Variants in SEPTIN9 observed in about 807,000 individuals in gnomAD.
The protein encoded by SEPTIN9 is septin 9.
A neutral mutation model predicts 56.6 loss-of-function variants in SEPTIN9; 13 were observed. The observed-to-expected ratio is 0.23, with a 90% CI of 0.15 to 0.37. SEPTIN9 has a LOEUF of 0.37. SEPTIN9 is among the 10% of genes least tolerant of loss of function. The probability of loss-of-function intolerance (pLI) is 1.00; values close to 1 mark genes in which losing one functional copy is unlikely to be tolerated. For synonymous variants in SEPTIN9, 332 were observed against 334.1 expected (o/e 0.99, Z 0.07); for missense variants, 650 against 823.1 (o/e 0.79, Z 2.57).
intron 2 of SEPTIN9, among the ~76,000 whole-genome samples, chr17:77,325,201 C>A (rs1162840076): frequency 2.6e-5 from 4 of 152,168 alleles, no homozygotes; most frequent in African/African-American, 9.7e-5. Flanking sequence ...GCGCCATATC[C>A]AAGAAATCAT....
At chr17:77,498,486 C>T in intron 11 of SEPTIN9, 37 bp from the exon 12 acceptor site, 1 of 661,216 alleles carries the variant, frequency 1.5e-6, no homozygotes, top group Non-Finnish European at 2.7e-6. Context: ...CCCCGCTGCG[C>T]CCACCTCACT....
In SEPTIN9 at chr17:77,281,531, G is replaced by A; in HGVS notation, c.-5G>A. The A allele has an allele frequency of 6.5e-7, 1 of 1,549,468 alleles. No individual in the cohort carries two copies. Among genetic ancestry groups the A allele is most frequent in the Non-Finnish European group, 8.7e-7 (1 of 1,147,330 alleles). On this transcript the variant is annotated 5_prime_UTR_variant, in exon 1 of 12. Transcript: ENST00000427177. ...TTTCCTGGGAGCGGCGGCCACGGAG[G>A]CACCATGAAGAAGTCTTACTCAGGT...
At chr17:77,340,922 C>T (rs1598217488) in intron 2 of SEPTIN9, among the ~76,000 whole-genome samples, 1 of 152,376 alleles carries the variant, frequency 6.6e-6, no homozygotes, top group African/African-American at 2.4e-5. Context: ...TCTCCAGCTT[C>T]CTCACTTCTC....
rs771620779 is a variant in SEPTIN9, at chr17:77,482,290, C to T, written c.868C>T (p.Arg290Trp). Reference sequence around the variant, plus strand: ...TGACTCCATCCTGGAGCAGATGCGCCGGAAGGCCATGAAGCAGGGCTTCGA... The same window carrying T: ...TGACTCCATCCTGGAGCAGATGCGCTGGAAGGCCATGAAGCAGGGCTTCGA... ...GIDSILEQMR[R>W]KAMKQGFEFN... The change falls in exon 4 of 12, where the codon CGG (arginine) becomes TGG (tryptophan). Residue 290 changes from arginine to tryptophan, a missense_variant. Physicochemically the swap from Arg to Trp is moderately radical, Grantham distance 101 (BLOSUM62 -3). This residue lies in a region of SEPTIN9 where 333 missense variants were observed against 494.0 expected (regional missense o/e 0.67). Coordinates refer to ENST00000427177, the MANE Select transcript of SEPTIN9 (RefSeq NM_001113491.2). 18 of 1,613,098 alleles carry T rather than the reference C, an allele frequency of 1.1e-5. No individual in the cohort carries two copies. Among genetic ancestry groups the T allele is most frequent in the African/African-American group, 5.3e-5 (4 of 74,916 alleles).
At chr17:77,424,469 T>G (rs2144238124) in intron 3 of SEPTIN9, among the ~76,000 whole-genome samples, 1 of 152,250 alleles carries the variant, frequency 6.6e-6, no homozygotes, top group Non-Finnish European at 1.5e-5. Context: ...GGGAAGGGGC[T>G]TCAGGAGGTG....
intron 3 of SEPTIN9, among the ~76,000 whole-genome samples, chr17:77,406,006 C>A (rs1022074128): frequency 6.6e-6 from 1 of 152,264 alleles, no homozygotes; most frequent in Non-Finnish European, 1.5e-5. Context: ...AGCAGACGCC[C>A]AGCCCCTTGG....
chr17:77,481,681 G>A (rs1202333788), intron 3 of SEPTIN9, among the ~76,000 whole-genome samples: 5 of 151,636 alleles, frequency 3.3e-5, no homozygotes, highest in African/African-American at 9.7e-5. Context: ...GGCAGCAGGC[G>A]GTACAGCTTA....
chr17:77,414,008 CT>C (rs539569960), intron 3 of SEPTIN9, among the ~76,000 whole-genome samples: 1 of 144,680 alleles, frequency 6.9e-6, no homozygotes, highest in Admixed American at 6.9e-5. Flanking sequence ...AGAGGGAAGG[CT>C]TTTTTTCATT....
At position 77,475,002 on chromosome 17, in the gene SEPTIN9, T is replaced by TA. The variant is rs1011731529; in HGVS notation, c.722-7131dup. ...ACCAACATTAGTGAGACCCACTCTC[T>TA]AAAAAAAAAAATTAGAGTAACGCCT... On this transcript the variant is annotated intron_variant, in intron 3 of 11. Transcript: ENST00000427177. This position sits in a 1 kb window ranked among gnomAD's most constrained non-coding sequence, Gnocchi z 4.6. 3.5e-4 allele frequency among the ~76,000 whole-genome samples: 52 copies of TA among 147,148 alleles called. No homozygotes were observed. Among genetic ancestry groups the TA allele is most frequent in the Middle Eastern group, 7.1e-3 (2 of 282 alleles).
Position 77,325,330 on chromosome 17 carries a change from G to A in SEPTIN9, c.76+18133G>A, listed in dbSNP as rs78334198. Among the ~76,000 whole-genome samples, 1,067 of 152,276 alleles carry A rather than the reference G, an allele frequency of 7.0e-3. 11 individuals carry two copies. Among genetic ancestry groups the A allele is most frequent in the African/African-American group, 0.024 (1,009 of 41,556 alleles). ...AGTTGATTTTTGCATGTGGTGTAAG[G>A]GCTGGTCCAGCCTCATGCTCTGGGC... On this transcript the variant is annotated intron_variant, in intron 2 of 11. Coordinates refer to ENST00000427177, the MANE Select transcript of SEPTIN9 (RefSeq NM_001113491.2).
chr17:77,287,968 T>G, intron 1 of SEPTIN9: 2 of 1,054,430 alleles, frequency 1.9e-6, no homozygotes, highest in Non-Finnish European at 2.3e-6. Context: ...AGAGCGGTGT[T>G]GGCCCGGGGC....
intron 2 of SEPTIN9, among the ~76,000 whole-genome samples, chr17:77,314,956 C>T (rs7502119): frequency 0.4 from 61,377 of 151,910 alleles, 13,744 homozygotes; most frequent in East Asian, 0.53. Context: ...CTGAACTGGA[C>T]CTGGCTCCTA....
At chr17:77,406,771 A>T (rs1235631349) in intron 3 of SEPTIN9, among the ~76,000 whole-genome samples, 1 of 152,006 alleles carries the variant, frequency 6.6e-6, no homozygotes, top group Non-Finnish European at 1.5e-5. Flanking sequence ...CCCAGGTTCA[A>T]GCGATTCTTC....
At chr17:77,485,843 T>C (rs2039756287) in intron 4 of SEPTIN9, among the ~76,000 whole-genome samples, 1 of 152,020 alleles carries the variant, frequency 6.6e-6, no homozygotes, top group Admixed American at 6.5e-5. Context: ...GGGTGTTTTT[T>C]GTGTTGTGTT....
At chr17:77,315,845 G>A (rs548622743) in intron 2 of SEPTIN9, among the ~76,000 whole-genome samples, 1 of 152,218 alleles carries the variant, frequency 6.6e-6, no homozygotes, top group Non-Finnish European at 1.5e-5. Context: ...TATGGGGGGT[G>A]AAGGACAGGG....
In SEPTIN9 at chr17:77,281,544, G is replaced by A. The variant is rs1047140962; in HGVS notation, c.9G>A (p.Lys3=). Residue 3 remains lysine, a synonymous_variant, in exon 1 of 12, where the codon AAG becomes AAA. Transcript: ENST00000427177. Reference sequence around the variant, plus strand: ...GCGGCCACGGAGGCACCATGAAGAAGTCTTACTCAGGTGGGCTTCGCGCCC... The same window carrying A: ...GCGGCCACGGAGGCACCATGAAGAAATCTTACTCAGGTGGGCTTCGCGCCC... The part of the protein sequence containing the change: MK[K]SYSGGTRTSS... The A allele has an allele frequency of 5.8e-6, 9 of 1,550,054 alleles. No individual in the cohort carries two copies. The Admixed American group carries it at 1.4e-4, about 23-fold the overall frequency.
intron 3 of SEPTIN9, among the ~76,000 whole-genome samples, chr17:77,471,768 A>C (rs888470282): frequency 1.3e-5 from 2 of 152,248 alleles, no homozygotes; most frequent in African/African-American, 4.8e-5. Flanking sequence ...TCTGGTTGAC[A>C]GGCCACTGTG....
In SEPTIN9 at chr17:77,301,394, T is replaced by TTGTGTGTGTG. The variant is rs56947697; in HGVS notation, c.20-5711_20-5702dup. On this transcript the variant is annotated intron_variant, in intron 1 of 11. Coordinates refer to ENST00000427177, the MANE Select transcript of SEPTIN9 (RefSeq NM_001113491.2). Reference sequence around the variant, plus strand: ...TTCAAGAAAAAAAATGGGAATAGATTTGTGTGTGTGTGTGTGTGTGTGTGT... The same window carrying TTGTGTGTGTG: ...TTCAAGAAAAAAAATGGGAATAGATTTGTGTGTGTGTGTGTGTGTGTGTGTGTGTGTGTGT... 5.3e-3 allele frequency among the ~76,000 whole-genome samples: 751 copies of TTGTGTGTGTG among 142,502 alleles called. 7 individuals are homozygous for TTGTGTGTGTG. The highest frequency in any genetic ancestry group is 0.018 in the African/African-American group (689 of 37,540). The allele number at this position is 142,502 out of a possible 152,430, so 93.5% of individuals were successfully genotyped here.
intron 1 of SEPTIN9, among the ~76,000 whole-genome samples, chr17:77,291,323 C>T (rs865998709): frequency 6.7e-6 from 1 of 148,878 alleles, no homozygotes; most frequent in Admixed American, 6.6e-5. Flanking sequence ...TGGGAGCCAC[C>T]GCGCCTGGCA....
Sources: allele counts gnomAD v4.1 joint callset (sites outside exome capture counted in the v4.1 genomes callset), GRCh38; gene constraint gnomAD v4.1.1; regional missense constraint gnomAD v4.1.1; non-coding constraint Gnocchi (gnomAD v3.1); transcripts MANE v1.5; gene names NCBI Gene and HGNC (gene_info 2026-07-23, HGNC 2026-07-21).